Variants in EPN2 observed in about 807,000 individuals in gnomAD.
EPN2 encodes epsin 2.
A neutral mutation model predicts 61.7 loss-of-function variants in EPN2; 34 were observed. The observed-to-expected ratio is 0.55, with a 90% CI of 0.42 to 0.73. The LOEUF is 0.73. EPN2 is among the 30% of genes least tolerant of loss of function. The pLI, the probability that EPN2 is intolerant of heterozygous loss-of-function variation, is 0.00. For missense variants in EPN2, 714 were observed against 839.2 expected (o/e 0.85, Z 1.84); for synonymous variants, 349 against 353.6 (o/e 0.99, Z 0.15).
intron 1 of EPN2, among the ~76,000 whole-genome samples, chr17:19,278,488 A>C (rs139916385): frequency 5.9e-5 from 9 of 152,254 alleles, no homozygotes; most frequent in African/African-American, 1.9e-4. Context: ...ATCAGATCTC[A>C]TGAGACTTAC....
intron 1 of EPN2, among the ~76,000 whole-genome samples, chr17:19,241,306 C>A (rs865946089): frequency 6.6e-6 from 1 of 152,044 alleles, no homozygotes; most frequent in Non-Finnish European, 1.5e-5. Flanking sequence ...ACAAACTTGC[C>A]GGGCATGGTG....
At chr17:19,308,740 C>A in intron 4 of EPN2, 1 of 918,040 alleles carries the variant, frequency 1.1e-6, no homozygotes, top group Non-Finnish European at 1.3e-6. Context: ...AAGCTATGGA[C>A]CCTTCCTGAA....
intron 9 of EPN2, 122 bp from the exon 10 acceptor site, chr17:19,331,731 G>A: frequency 2.6e-6 from 2 of 767,338 alleles, no homozygotes; most frequent in South Asian, 3.1e-5. Flanking sequence ...ATGACTGGCT[G>A]TGTGTCGTCA....
At chr17:19,287,130 G>A (rs2045413125) in intron 4 of EPN2, among the ~76,000 whole-genome samples, 1 of 151,996 alleles carries the variant, frequency 6.6e-6, no homozygotes, top group South Asian at 2.1e-4. Context: ...ATACAGCCTG[G>A]CAGGCCTGCA....
intron 1 of EPN2, among the ~76,000 whole-genome samples, chr17:19,272,479 G>GATCA (rs1381014748): frequency 6.6e-6 from 1 of 152,092 alleles, no homozygotes; most frequent in Non-Finnish European, 1.5e-5. Context: ...GCAGGGAATT[G>GATCA]AATCACTGGT....
At chr17:19,299,666 ATGGC>A (rs1905374403) in intron 4 of EPN2, among the ~76,000 whole-genome samples, 2 of 152,238 alleles carry the variant, frequency 1.3e-5, no homozygotes, top group South Asian at 4.1e-4. Context: ...CCCGAAGAGA[ATGGC>A]ACAACTTGCT....
At chr17:19,295,362 A>ACGCGCGCGCGCGCGCGCGCG (rs1182989127) in intron 4 of EPN2, among the ~76,000 whole-genome samples, 2 of 71,004 alleles carry the variant, frequency 2.8e-5, no homozygotes, top group Non-Finnish European at 4.5e-5. Flanking sequence ...ACACACACAC[A>ACGCGCGCGCGCGCGCGCGCG]CACACGCGCG....
intron 7 of EPN2, among the ~76,000 whole-genome samples, chr17:19,322,793 T>C (rs1906701105): frequency 6.6e-6 from 1 of 150,540 alleles, no homozygotes. Flanking sequence ...AGGCCCTTAC[T>C]AAAGCTATTC....
chr17:19,251,830 T>C (rs890596029), intron 1 of EPN2, among the ~76,000 whole-genome samples: 1 of 152,134 alleles, frequency 6.6e-6, no homozygotes, highest in Non-Finnish European at 1.5e-5. Flanking sequence ...ATCTTTTAGA[T>C]AGTAGACTTT....
intron 7 of EPN2, among the ~76,000 whole-genome samples, chr17:19,325,063 A>G (rs192780640): frequency 0.015 from 2,220 of 152,302 alleles, 24 homozygotes; most frequent in South Asian, 0.026. Context: ...GAATAATAAA[A>G]AACCTATAAA....
intron 4 of EPN2, among the ~76,000 whole-genome samples, chr17:19,296,065 C>T (rs980372601): frequency 6.6e-6 from 1 of 152,126 alleles, no homozygotes; most frequent in East Asian, 1.9e-4. Context: ...GTCCAGCTTG[C>T]AGTGGGATAA....
intron 6 of EPN2, among the ~76,000 whole-genome samples, chr17:19,312,757 G>T (rs1000347277): frequency 2.0e-5 from 3 of 152,222 alleles, no homozygotes; most frequent in Admixed American, 2.0e-4. Flanking sequence ...GAGGAGGAGG[G>T]CCCTCAGGCT....
intron 10 of EPN2, among the ~76,000 whole-genome samples, chr17:19,332,292 C>T (rs1034215892): frequency 1.3e-5 from 2 of 152,078 alleles, no homozygotes; most frequent in Admixed American, 6.5e-5. Flanking sequence ...CCTCTCCTCT[C>T]AGTTGAGACT....
At chr17:19,278,141 GTTTA>G (rs1363380578) in intron 1 of EPN2, among the ~76,000 whole-genome samples, 2 of 151,426 alleles carry the variant, frequency 1.3e-5, no homozygotes, top group African/African-American at 2.4e-5. Flanking sequence ...TTATTTGTTT[GTTTA>G]TTTATTTATT....
At chr17:19,301,138 T>G (rs1224995327) in intron 4 of EPN2, among the ~76,000 whole-genome samples, 1 of 152,070 alleles carries the variant, frequency 6.6e-6, no homozygotes, top group Non-Finnish European at 1.5e-5. Flanking sequence ...GGCCCAGTGT[T>G]ACTTGGCTAG....
rs772798469 is a variant in EPN2 at position 19,329,583 on chromosome 17, T to A, written c.1347T>A (p.Asn449Lys). 7 of 1,613,246 alleles carry A rather than the reference T, an allele frequency of 4.3e-6. No individual in the cohort carries two copies. Among genetic ancestry groups the A allele is most frequent in the Non-Finnish European group, 5.9e-6 (7 of 1,179,412 alleles). Residue 449 changes from asparagine (N) to lysine (K), a missense_variant, in exon 9 of 11, where the codon AAT becomes AAA. Transcript: ENST00000314728. The stretch of plus-strand genomic sequence containing the variant: ...CAGGGTCCTTTGAGCTCTTCAGTAA[T>A]CTGAATGGTACAATTAAAGATGACT... ...SVSGSFELFS[N>K]LNGTIKDDFS...
chr17:19,240,850 A>G (rs1393080752), intron 1 of EPN2, among the ~76,000 whole-genome samples: 1 of 152,082 alleles, frequency 6.6e-6, no homozygotes, highest in Admixed American at 6.6e-5. Context: ...TCGGTCTCTG[A>G]TAGATGGTAG....
chr17:19,302,998 G>A (rs1357053272), intron 4 of EPN2, among the ~76,000 whole-genome samples: 1 of 152,250 alleles, frequency 6.6e-6, no homozygotes, highest in East Asian at 1.9e-4. Flanking sequence ...GAGTGTCAGA[G>A]ACGGAAGCGC....
chr17:19,258,445 A>G (rs1227568178), intron 1 of EPN2, among the ~76,000 whole-genome samples: 2 of 152,080 alleles, frequency 1.3e-5, no homozygotes, highest in Non-Finnish European at 2.9e-5. Flanking sequence ...GTCAGCAGCT[A>G]TCTGGTTGTT....
Sources: allele counts gnomAD v4.1 joint callset (sites outside exome capture counted in the v4.1 genomes callset), GRCh38; gene constraint gnomAD v4.1.1; transcripts MANE v1.5; gene names NCBI Gene and HGNC (gene_info 2026-07-23, HGNC 2026-07-21).